The following BLTP1 variants were observed in gnomAD, a reference collection of about 807,000 sequenced individuals.
BLTP1 encodes bridge-like lipid transfer protein family member 1.
the BLTP1 span, chr4:122,219,009 A>G: frequency 4.4e-6 from 1 of 227,994 alleles, no homozygotes; most frequent in South Asian, 1.6e-4. Flanking sequence ...TCTGAGGAGC[A>G]GTGATTGAAA....
the BLTP1 span, among the ~76,000 whole-genome samples, chr4:122,248,622 G>A: frequency 6.6e-6 from 1 of 151,972 alleles, no homozygotes; most frequent in Non-Finnish European, 1.5e-5. Context: ...TAAATAATGA[G>A]AAAATTATAG....
the BLTP1 span, chr4:122,235,333 ATACT>A: frequency 1.2e-5 from 12 of 983,308 alleles, no homozygotes; most frequent in South Asian, 5.2e-4. Flanking sequence ...ATCCAGATAA[ATACT>A]TAGGAATAGC....
At chr4:122,324,885 C>A in the BLTP1 span, among the ~76,000 whole-genome samples, 1 of 151,858 alleles carries the variant, frequency 6.6e-6, no homozygotes, top group African/African-American at 2.4e-5. Flanking sequence ...GTAGCTACTG[C>A]TCTAGATTTG....
the BLTP1 span, chr4:122,258,775 A>T: frequency 1.9e-6 from 3 of 1,614,010 alleles, no homozygotes; most frequent in Non-Finnish European, 2.5e-6. Flanking sequence ...TGGACCTGTA[A>T]CTGGAGCTGA....
chr4:122,305,649 A>G, the BLTP1 span: 1 of 953,910 alleles, frequency 1.0e-6, no homozygotes, highest in Non-Finnish European at 1.2e-6. Context: ...CCTCATCCTA[A>G]CTTTTATATA....
chr4:122,216,085 G>GTCTATCTA, the BLTP1 span, among the ~76,000 whole-genome samples: 1,101 of 144,486 alleles, frequency 7.6e-3, 6 homozygotes, highest in East Asian at 0.012. Context: ...ATCTTTGTCT[G>GTCTATCTA]TCTATCTATC....
At chr4:122,359,380 C>CT in the BLTP1 span, 7 of 919,406 alleles carry the variant, frequency 7.6e-6, no homozygotes, top group African/African-American at 1.1e-4. Context: ...CTGTTAATCT[C>CT]TAAGAATTAT....
At chr4:122,174,542 C>T in the BLTP1 span, 2 of 1,601,902 alleles carry the variant, frequency 1.2e-6, no homozygotes, top group Admixed American at 1.8e-5. Context: ...AAAACAGTTA[C>T]ATTAACTGCT....
chr4:122,172,672 A>G, the BLTP1 span, among the ~76,000 whole-genome samples: 1 of 152,180 alleles, frequency 6.6e-6, no homozygotes, highest in Non-Finnish European at 1.5e-5. Context: ...TGTTTCAGGA[A>G]ATAACTTGGG....
At chr4:122,327,273 A>T in the BLTP1 span, among the ~76,000 whole-genome samples, 1 of 151,616 alleles carries the variant, frequency 6.6e-6, no homozygotes, top group African/African-American at 2.4e-5. Flanking sequence ...CAAATACTCG[A>T]GTCCCTTTTA....
the BLTP1 span, chr4:122,242,991 A>G: frequency 6.6e-7 from 1 of 1,512,836 alleles, no homozygotes; most frequent in Non-Finnish European, 9.2e-7. Context: ...AGTATTTTAT[A>G]TTCTAGGTTA....
the BLTP1 span, chr4:122,353,800 T>C: frequency 6.2e-7 from 1 of 1,601,894 alleles, no homozygotes; most frequent in Non-Finnish European, 8.5e-7. This position sits in a 1 kb window ranked among gnomAD's most constrained non-coding sequence, Gnocchi z 4.3. Flanking sequence ...AAAAGTATTT[T>C]TATTTTGTTG....
the BLTP1 span, chr4:122,362,551 TTTG>T: frequency 5.1e-5 from 9 of 177,520 alleles, no homozygotes; most frequent in Admixed American, 1.8e-4. Context: ...TGTGAATTTT[TTTG>T]TTATTGGATT....
the BLTP1 span, chr4:122,244,888 G>C: frequency 1.7e-6 from 2 of 1,173,762 alleles, no homozygotes; most frequent in Non-Finnish European, 2.3e-6. Flanking sequence ...ATGTGGCTTA[G>C]ACATTCTCAT....
the BLTP1 span, chr4:122,153,898 A>G: frequency 4.2e-5 from 25 of 592,240 alleles, no homozygotes; most frequent in African/African-American, 4.7e-4. Flanking sequence ...GAAACGTAAT[A>G]TTGGACTAAA....
At chr4:122,272,560 TTTG>T in the BLTP1 span, among the ~76,000 whole-genome samples, 1 of 152,024 alleles carries the variant, frequency 6.6e-6, no homozygotes, top group African/African-American at 2.4e-5. Flanking sequence ...TACCAAGAAC[TTTG>T]TTGTAATTGA....
At chr4:122,209,665 A>G in the BLTP1 span, 1 of 585,730 alleles carries the variant, frequency 1.7e-6, no homozygotes, top group Non-Finnish European at 2.2e-6. Flanking sequence ...TTAGTAAAAT[A>G]AAATAAAATT....
At chr4:122,290,339 G>A in the BLTP1 span, among the ~76,000 whole-genome samples, 1 of 152,144 alleles carries the variant, frequency 6.6e-6, no homozygotes, top group African/African-American at 2.4e-5. Flanking sequence ...CACTGAAGAA[G>A]CCTTAACTTG....
chr4:122,311,733 T>C, the BLTP1 span, among the ~76,000 whole-genome samples: 13 of 152,188 alleles, frequency 8.5e-5, no homozygotes, highest in Non-Finnish European at 1.6e-4. Flanking sequence ...GACAATATCA[T>C]GAATGTGTAT....
Sources: gnomAD v4.1 joint callset for allele counts (sites outside exome capture counted in the v4.1 genomes callset) on GRCh38, gnomAD v4.1.1 for gene constraint, Gnocchi (gnomAD v3.1) non-coding constraint, MANE v1.5 for transcripts, NCBI Gene and HGNC (gene_info 2026-07-23, HGNC 2026-07-21) for gene names.